ATE1: variants seen among roughly 807,000 people sequenced by gnomAD.
The protein encoded by ATE1 is arginyl-tRNA--protein transferase 1.
A neutral mutation model predicts 70.5 loss-of-function variants in ATE1; 36 were observed. The observed-to-expected ratio is 0.51, with a 90% confidence interval of 0.39 to 0.67. The LOEUF (loss-of-function observed/expected upper bound fraction) is 0.67, where lower values mean the gene tolerates loss of function less well. ATE1 is among the 30% of genes least tolerant of loss of function. The pLI is 0.00. For missense variants in ATE1, 593 were observed against 629.5 expected (o/e 0.94, Z 0.62); for synonymous variants, 232 against 219.3 (o/e 1.06, Z -0.51).
At chr10:121,860,602 G>A (rs750306036) in intron 8 of ATE1, among the ~76,000 whole-genome samples, 36 of 152,186 alleles carry the variant, frequency 2.4e-4, no homozygotes, top group Non-Finnish European at 7.4e-5. Context: ...ATTGAGAAAG[G>A]AAGTACAGTA....
chr10:121,804,344 T>C (rs1947010055), intron 10 of ATE1, among the ~76,000 whole-genome samples: 1 of 152,174 alleles, frequency 6.6e-6, no homozygotes, highest in Non-Finnish European at 1.5e-5. Flanking sequence ...TCTTGGACTT[T>C]ACACCAAAAA....
chr10:121,832,708 T>C (rs144617262), intron 10 of ATE1, among the ~76,000 whole-genome samples: 2 of 152,326 alleles, frequency 1.3e-5, no homozygotes, highest in East Asian at 1.9e-4. Context: ...GTAAGTCCAA[T>C]TAAACCTCTT....
chr10:121,780,065 G>A (rs1210021546), intron 11 of ATE1, among the ~76,000 whole-genome samples: 1 of 152,112 alleles, frequency 6.6e-6, no homozygotes, highest in Non-Finnish European at 1.5e-5. Flanking sequence ...CACTCTTAGG[G>A]CTGCCACTCA....
chr10:121,899,054 C>A, intron 7 of ATE1: 1 of 1,465,372 alleles, frequency 6.8e-7, no homozygotes. Flanking sequence ...GTAAGATCTC[C>A]ACAAATCCAC....
rs559306148 is a variant in ATE1 at position 121,901,111 on chromosome 10, T to C, written c.814-1117A>G. Among the ~76,000 whole-genome samples, 1,132 of 152,016 alleles carry C rather than the reference T, an allele frequency of 7.4e-3. 21 individuals are homozygous for C. The highest frequency in any genetic ancestry group is 0.026 in the African/African-American group (1,085 of 41,486). On this transcript the variant is annotated intron_variant, in intron 6 of 11. Transcript: ENST00000224652. ...TGAAACCCTGTCTCTATTAAAAATA[T>C]CAGAAATTAGCCGGGCGTAGTGGTG...
chr10:121,773,479 CAG>C (rs1221408007), intron 11 of ATE1, among the ~76,000 whole-genome samples: 1 of 152,206 alleles, frequency 6.6e-6, no homozygotes, highest in Non-Finnish European at 1.5e-5. Flanking sequence ...TCAGTTCTAA[CAG>C]AGTTTGACAC....
At chr10:121,853,756 T>C (rs1263932729) in intron 8 of ATE1, among the ~76,000 whole-genome samples, 3 of 152,160 alleles carry the variant, frequency 2.0e-5, no homozygotes, top group Non-Finnish European at 2.9e-5. Context: ...CAATATACCT[T>C]AGACTGGGCA....
At chr10:121,778,861 C>T (rs1233480029) in intron 11 of ATE1, among the ~76,000 whole-genome samples, 2 of 152,100 alleles carry the variant, frequency 1.3e-5, no homozygotes, top group African/African-American at 2.4e-5. Context: ...CCTCTGCCTC[C>T]CAAAGTTCTG....
chr10:121,925,734 T>C (rs1952063866), intron 1 of ATE1, among the ~76,000 whole-genome samples: 1 of 151,756 alleles, frequency 6.6e-6, no homozygotes, highest in South Asian at 2.1e-4. Context: ...TAATCATAAT[T>C]AATCAGGTTT....
At chr10:121,760,465 A>AGG (rs1944994211) in intron 11 of ATE1, among the ~76,000 whole-genome samples, 1 of 152,134 alleles carries the variant, frequency 6.6e-6, no homozygotes, top group African/African-American at 2.4e-5. Flanking sequence ...GATGATTTGG[A>AGG]GGGGTTTGAG....
chr10:121,891,631 T>C (rs1334696353), intron 7 of ATE1, among the ~76,000 whole-genome samples: 1 of 152,212 alleles, frequency 6.6e-6, no homozygotes, highest in African/African-American at 2.4e-5. Flanking sequence ...TTAAGGTTAC[T>C]GAAAAGAATT....
intron 7 of ATE1, among the ~76,000 whole-genome samples, chr10:121,895,644 G>A (rs1564937455): frequency 6.6e-6 from 1 of 151,978 alleles, no homozygotes. Flanking sequence ...ATGGATGAGT[G>A]GAAAACAAAA....
rs572710683 is a variant in ATE1 at position 121,741,383 on chromosome 10, C to G, written c.*2297G>C. Reference sequence around the variant, plus strand: ...GCCAAGTAGAAGGATCTCCAATGCTCAAGTCACTCTGAGTCTTTGCTGGTG... The same window carrying G: ...GCCAAGTAGAAGGATCTCCAATGCTGAAGTCACTCTGAGTCTTTGCTGGTG... On this transcript the variant is annotated 3_prime_UTR_variant, in exon 12 of 12. Coordinates refer to ENST00000224652, the MANE Select transcript of ATE1 (RefSeq NM_001001976.3). 1 of 152,346 alleles carries G rather than the reference C, an allele frequency of 6.6e-6. No homozygotes were observed. Among genetic ancestry groups the G allele is most frequent in the South Asian group, 2.1e-4 (1 of 4,826 alleles). The allele number at this position is 152,346 out of a possible 1,614,324, so 9.4% of individuals were successfully genotyped here.
intron 1 of ATE1, among the ~76,000 whole-genome samples, chr10:121,925,995 C>T (rs1026948622): frequency 3.3e-5 from 5 of 151,996 alleles, no homozygotes; most frequent in South Asian, 2.1e-4. Flanking sequence ...CACCTGAGGT[C>T]GGGAGTTCAA....
intron 11 of ATE1, among the ~76,000 whole-genome samples, chr10:121,789,840 A>G (rs1361350909): frequency 1.3e-5 from 2 of 152,174 alleles, no homozygotes; most frequent in Non-Finnish European, 2.9e-5. Flanking sequence ...TAAATAATCC[A>G]TCTAGCAGAC....
chr10:121,900,007 T>C lies in ATE1; in HGVS notation c.814-13A>G. 3 of 1,610,264 alleles carry C rather than the reference T, an allele frequency of 1.9e-6. No individual in the cohort carries two copies. Among genetic ancestry groups the C allele is most frequent in the Non-Finnish European group, 1.7e-6 (2 of 1,178,244 alleles). ...TCACCACCCTCACCTTCAGAAGCAG[T>C]TAAAAAAACAAGTTTACTAATTCAT... On this transcript the variant is annotated splice_polypyrimidine_tract_variant and intron_variant, in intron 6 of 11. Coordinates refer to ENST00000224652, the MANE Select transcript of ATE1 (RefSeq NM_001001976.3).
chr10:121,760,768 TCTA>T (rs536946671), intron 11 of ATE1, among the ~76,000 whole-genome samples: 4 of 152,220 alleles, frequency 2.6e-5, no homozygotes, highest in African/African-American at 7.2e-5. Context: ...TGAAAGAAGT[TCTA>T]CTGCTATCAA....
chr10:121,870,958 T>A (rs1041224312), intron 7 of ATE1, among the ~76,000 whole-genome samples: 1 of 152,108 alleles, frequency 6.6e-6, no homozygotes, highest in African/African-American at 2.4e-5. Context: ...TTAACTACAA[T>A]AAAATACAAT....
chr10:121,923,244 A>G (rs1951952005), intron 2 of ATE1, among the ~76,000 whole-genome samples: 1 of 152,182 alleles, frequency 6.6e-6, no homozygotes, highest in African/African-American at 2.4e-5. Flanking sequence ...GCTAAGCTGG[A>G]AGAACACTTG....
Sources: allele counts gnomAD v4.1 joint callset (sites outside exome capture counted in the v4.1 genomes callset), GRCh38; gene constraint gnomAD v4.1.1; transcripts MANE v1.5; gene names NCBI Gene and HGNC (gene_info 2026-07-23, HGNC 2026-07-21).